MRPS5: variants seen among roughly 807,000 people sequenced by gnomAD.
MRPS5 encodes the protein mitochondrial ribosomal protein S5, also known as small ribosomal subunit protein uS5m.
Under a neutral mutation model 51.9 loss-of-function variants are expected in MRPS5, and 27 were observed. The observed-to-expected ratio is 0.52, with a 90% CI of 0.38 to 0.72. The LOEUF (loss-of-function observed/expected upper bound fraction) is 0.72. Ranked by LOEUF, MRPS5 falls within the 30% of genes least tolerant of loss-of-function variation. MRPS5 has a pLI of 0.00. For missense variants in MRPS5, 570 were observed against 545.7 expected (o/e 1.04, Z -0.44); for synonymous variants, 196 against 193.2 (o/e 1.01, Z -0.12).
At chr2:95,117,172 C>T (rs1433211400) in intron 2 of MRPS5, among the ~76,000 whole-genome samples, 1 of 151,494 alleles carries the variant, frequency 6.6e-6, no homozygotes, top group African/African-American at 2.4e-5. Context: ...GAAACACAGT[C>T]TGACCTCAAG....
At chr2:95,105,648 A>G (rs1358277357) in intron 6 of MRPS5, among the ~76,000 whole-genome samples, 1 of 152,180 alleles carries the variant, frequency 6.6e-6, no homozygotes, top group Non-Finnish European at 1.5e-5. Context: ...AATGGGGTTA[A>G]AAGAAAAGGG....
At chr2:95,103,529 T>A (rs1199078179) in intron 7 of MRPS5, among the ~76,000 whole-genome samples, 1 of 152,212 alleles carries the variant, frequency 6.6e-6, no homozygotes, top group African/African-American at 2.4e-5. Context: ...GGAATATTTA[T>A]CAGCACTTAA....
At chr2:95,110,205 G>A (rs1373122035) in intron 3 of MRPS5, among the ~76,000 whole-genome samples, 164 bp from the exon 4 acceptor site, 2 of 152,140 alleles carry the variant, frequency 1.3e-5, no homozygotes, top group Admixed American at 6.5e-5. Context: ...ACATCAGACG[G>A]TTACACTTGG....
intron 7 of MRPS5, 78 bp from the exon 8 acceptor site, chr2:95,101,801 C>T: frequency 1.1e-6 from 1 of 934,442 alleles, no homozygotes; most frequent in Admixed American, 2.6e-5. Context: ...CAAGTTTCTG[C>T]TCCTACAATA....
chr2:95,119,909 A>C (rs1393815650), intron 1 of MRPS5, among the ~76,000 whole-genome samples: 3 of 152,090 alleles, frequency 2.0e-5, no homozygotes, highest in Non-Finnish European at 4.4e-5. Flanking sequence ...AAAAATAAAG[A>C]AAAACTAGCC....
chr2:95,087,170 GT>G lies in MRPS5; in HGVS notation c.*186del, dbSNP rs1232425415. 3.6e-6 allele frequency: 2 copies of G among 554,654 alleles called. No homozygotes were observed. Among genetic ancestry groups the G allele is most frequent in the Non-Finnish European group, 6.3e-6 (2 of 315,238 alleles). 34.4% of individuals were successfully genotyped at this position (554,654 alleles called of 1,614,324 possible). On this transcript the variant is annotated 3_prime_UTR_variant, in exon 12 of 12. Transcript: ENST00000272418. Reference sequence around the variant, plus strand: ...CTTGAACTGAGATATGTATGTAAAGGTTCTATCACATTGGCATATAACATGT... The same window carrying G: ...CTTGAACTGAGATATGTATGTAAAGGTCTATCACATTGGCATATAACATGT...
chr2:95,101,384 CAAAA>C (rs34810443), intron 8 of MRPS5, among the ~76,000 whole-genome samples: 3 of 60,828 alleles, frequency 4.9e-5, no homozygotes, highest in Non-Finnish European at 3.5e-5. Flanking sequence ...GACAACGTCT[CAAAA>C]AAAAAAAAAA....
intron 10 of MRPS5, among the ~76,000 whole-genome samples, chr2:95,095,605 A>G (rs1257364755): frequency 6.6e-6 from 1 of 152,248 alleles, no homozygotes; most frequent in Admixed American, 6.5e-5. Context: ...CTGAATGACT[A>G]CTGGGTAAAT....
chr2:95,098,694 G>C (rs893854367), intron 10 of MRPS5, among the ~76,000 whole-genome samples: 5 of 152,022 alleles, frequency 3.3e-5, no homozygotes, highest in Non-Finnish European at 7.4e-5. Flanking sequence ...TGGTGGGTTG[G>C]GGGCAGTGGG....
intron 8 of MRPS5, among the ~76,000 whole-genome samples, 189 bp downstream of exon 8, chr2:95,101,488 T>C (rs1675801164): frequency 6.6e-6 from 1 of 152,166 alleles, no homozygotes; most frequent in South Asian, 2.1e-4. Context: ...ATTACAAATC[T>C]GATAAAAAAT....
chr2:95,105,019 T>C (rs1375650951), intron 6 of MRPS5, among the ~76,000 whole-genome samples: 1 of 152,204 alleles, frequency 6.6e-6, no homozygotes, highest in Non-Finnish European at 1.5e-5. Flanking sequence ...ATATACCCTA[T>C]CTTAATGAAT....
chr2:95,117,956 G>GAAA lies in MRPS5; in HGVS notation c.59-14_59-12dup. The stretch of plus-strand genomic sequence containing the variant: ...TCCCCAATAAATGACCTGCAAATTG[G>GAAA]AAAAAAAAAAATTTAAGATACATTT... On this transcript the variant is annotated splice_polypyrimidine_tract_variant and intron_variant, in intron 1 of 11. Transcript: ENST00000272418. The GAAA allele has an allele frequency of 7.3e-7, 1 of 1,373,404 alleles. No homozygotes were observed. Among genetic ancestry groups the GAAA allele is most frequent in the South Asian group, 1.4e-5 (1 of 69,488 alleles). The allele number at this position is 1,373,404 out of a possible 1,614,324, so 85.1% of individuals were successfully genotyped here.
At chr2:95,115,379 A>T (rs1172487164) in intron 2 of MRPS5, among the ~76,000 whole-genome samples, 176 bp from the exon 3 acceptor site, 2 of 152,200 alleles carry the variant, frequency 1.3e-5, no homozygotes. Context: ...AACAACCTAA[A>T]TGCCCAGCCT....
At chr2:95,120,844 G>T (rs570179161) in intron 1 of MRPS5, among the ~76,000 whole-genome samples, 1 of 152,186 alleles carries the variant, frequency 6.6e-6, no homozygotes, top group Admixed American at 6.5e-5. Context: ...GGAGACGGCC[G>T]GGCGTGGTGG....
intron 11 of MRPS5, among the ~76,000 whole-genome samples, chr2:95,089,470 C>T (rs934894530): frequency 6.6e-6 from 1 of 152,200 alleles, no homozygotes; most frequent in Non-Finnish European, 1.5e-5. Context: ...AAGAGACAGG[C>T]CAGCCCTCCT....
At position 95,085,521 on chromosome 2, in the gene MRPS5, G is replaced by A. The variant is rs1339860550; in HGVS notation, c.*1836C>T. ...TAGCAAAATACCACACACAAAAAAA[G>A]GGGACCCACCCACACCAGACAACGT... On this transcript the variant is annotated 3_prime_UTR_variant, in exon 12 of 12. Coordinates refer to ENST00000272418, the MANE Select transcript of MRPS5 (RefSeq NM_031902.5). 2.0e-5 allele frequency among the ~76,000 whole-genome samples: 3 copies of A among 152,138 alleles called. No individual in the cohort carries two copies. Among genetic ancestry groups the A allele is most frequent in the African/African-American group, 7.2e-5 (3 of 41,424 alleles).
chr2:95,116,484 C>T (rs1300708618), intron 2 of MRPS5, among the ~76,000 whole-genome samples: 1 of 152,134 alleles, frequency 6.6e-6, no homozygotes, highest in Non-Finnish European at 1.5e-5. Flanking sequence ...ATTTGAGAAA[C>T]AGTCACTTAA....
At chr2:95,089,635 C>T (rs1480101576) in intron 11 of MRPS5, among the ~76,000 whole-genome samples, 5 of 152,196 alleles carry the variant, frequency 3.3e-5, no homozygotes, top group Non-Finnish European at 5.9e-5. Context: ...ACCCAGGCAT[C>T]AGTCCGAACC....
At chr2:95,112,962 G>A (rs1010970285) in intron 3 of MRPS5, among the ~76,000 whole-genome samples, 6 of 151,210 alleles carry the variant, frequency 4.0e-5, no homozygotes, top group African/African-American at 1.5e-4. Context: ...CTGAGATTGC[G>A]CCACTGCACT....
Sources: allele counts gnomAD v4.1 joint callset (sites outside exome capture counted in the v4.1 genomes callset), GRCh38; gene constraint gnomAD v4.1.1; transcripts MANE v1.5; gene names NCBI Gene and HGNC (gene_info 2026-07-23, HGNC 2026-07-21).